Variants in AKAP13 observed in about 807,000 individuals in gnomAD.
AKAP13 encodes the protein A-kinase anchor protein 13.
AKAP13 carries 80 observed loss-of-function variants against 264.5 expected under a neutral mutation model. The ratio of observed to expected loss-of-function variants is 0.30; its 90% CI spans 0.25 to 0.36. The LOEUF is 0.36. Among genes scored for constraint, AKAP13 ranks in the 10% least tolerant of loss-of-function variants. AKAP13 has a pLI of 1.00. For synonymous variants in AKAP13, 1,380 were observed against 1,250.2 expected (o/e 1.10, Z -2.19); for missense variants, 3,712 against 3,435.2 (o/e 1.08, Z -2.01).
chr15:85,627,367 T>C (rs2081461058), intron 8 of AKAP13, among the ~76,000 whole-genome samples: 1 of 152,196 alleles, frequency 6.6e-6, no homozygotes, highest in Admixed American at 6.5e-5. Context: ...TTTTGCCCTT[T>C]GTACTAGCTC....
intron 19 of AKAP13, among the ~76,000 whole-genome samples, chr15:85,710,906 AC>A (rs536493733): frequency 3.0e-4 from 45 of 152,186 alleles, no homozygotes; most frequent in African/African-American, 9.9e-4. Context: ...TAAGCAAGTG[AC>A]CCCTGCGCAT....
chr15:85,704,393 C>T (rs560831544), intron 17 of AKAP13, among the ~76,000 whole-genome samples: 5 of 151,782 alleles, frequency 3.3e-5, no homozygotes, highest in Admixed American at 6.6e-5. Context: ...ATTTTTCTTC[C>T]GAAAGATAAA....
At chr15:85,584,964 A>C (rs151176028) in intron 7 of AKAP13, among the ~76,000 whole-genome samples, 1 of 152,220 alleles carries the variant, frequency 6.6e-6, no homozygotes, top group Non-Finnish European at 1.5e-5. Flanking sequence ...GACATCATTT[A>C]TCATTTCCTT....
chr15:85,727,543 C>T lies in AKAP13; in HGVS notation c.7087+80C>T, dbSNP rs186989868. On this transcript the variant is annotated intron_variant, in intron 29 of 36. Coordinates refer to ENST00000394518, the MANE Select transcript of AKAP13 (RefSeq NM_007200.5). This position sits in a 1 kb window ranked among gnomAD's most constrained non-coding sequence, Gnocchi z 5.3. ...AGACTGCTGGTGGATTTTAGAGGTA[C>T]GGGTTTGCCCTCAGTTCTAAAGCTG... 3.6e-5 allele frequency: 54 copies of T among 1,511,052 alleles called. No homozygotes were observed. The African/African-American group carries it at 5.0e-4, about 14-fold the overall frequency. The allele number at this position is 1,511,052 out of a possible 1,614,324, so 93.6% of individuals were successfully genotyped here.
chr15:85,698,220 C>G (rs1302935323), intron 17 of AKAP13, among the ~76,000 whole-genome samples: 1 of 152,018 alleles, frequency 6.6e-6, no homozygotes, highest in Non-Finnish European at 1.5e-5. Flanking sequence ...GTAATCCCAG[C>G]ACTTTAGGAG....
At chr15:85,737,260 T>C (rs2151769943) in intron 33 of AKAP13, among the ~76,000 whole-genome samples, 1 of 152,226 alleles carries the variant, frequency 6.6e-6, no homozygotes, top group African/African-American at 2.4e-5. Context: ...TTAATATGTG[T>C]TTCATCTGTG....
chr15:85,494,867 G>A lies in AKAP13; in HGVS notation c.33+9114G>A, dbSNP rs191351826. On this transcript the variant is annotated intron_variant, in intron 2 of 36. Transcript: ENST00000394518. ...TTCAGAACAAATGGGCTAAGTAAGAGAAAAAAATGTAGCAATTGGAAGATG... is the reference window on the plus strand; with the variant it reads ...TTCAGAACAAATGGGCTAAGTAAGAAAAAAAAATGTAGCAATTGGAAGATG... Among the ~76,000 whole-genome samples, 31 of 151,852 alleles carry A rather than the reference G, an allele frequency of 2.0e-4. No individual in the cohort carries two copies. The East Asian group carries it at 5.6e-3, about 27-fold the overall frequency.
intron 9 of AKAP13, among the ~76,000 whole-genome samples, chr15:85,641,677 G>A (rs1223944455): frequency 6.6e-6 from 1 of 151,236 alleles, no homozygotes; most frequent in Non-Finnish European, 1.5e-5. Context: ...CAGTAGAGAT[G>A]GGGTTTCACC....
intron 8 of AKAP13, among the ~76,000 whole-genome samples, chr15:85,605,303 T>C (rs886579810): frequency 5.3e-5 from 8 of 152,182 alleles, no homozygotes; most frequent in Admixed American, 2.6e-4. Flanking sequence ...ATTTGCACAC[T>C]TAGAAAGGGT....
intron 19 of AKAP13, among the ~76,000 whole-genome samples, chr15:85,713,468 G>A (rs190783858): frequency 3.1e-4 from 46 of 149,384 alleles, no homozygotes; most frequent in East Asian, 1.4e-3. Context: ...GATTTTATCC[G>A]CTCAGTGACC....
chr15:85,580,782 A>G lies in AKAP13; in HGVS notation c.2714A>G (p.Asp905Gly). 6.2e-7 allele frequency: 1 copy of G among 1,614,104 alleles called. No individual in the cohort carries two copies. Reference protein sequence around the residue: ...QSVGKATLALDSVLTEEGKLL... With the variant: ...QSVGKATLALGSVLTEEGKLL... ...GTGGGTAAGGCCACTTTGGCTTTAG[A>G]TTCAGTTTTGACTGAAGAAGGAAAA... Residue 905 changes from aspartate to glycine, a missense_variant, in exon 7 of 37, where the codon GAT becomes GGT. By Grantham distance (94) the Asp-to-Gly change is moderately conservative. Transcript: ENST00000394518.
chr15:85,505,161 T>G (rs559447170), intron 2 of AKAP13, among the ~76,000 whole-genome samples: 2 of 152,368 alleles, frequency 1.3e-5, no homozygotes, highest in African/African-American at 4.8e-5. Context: ...TTAAATTATA[T>G]CCAAACTTGA....
At chr15:85,691,702 G>A (rs1410977550) in intron 16 of AKAP13, 1 of 412,660 alleles carries the variant, frequency 2.4e-6, no homozygotes, top group Non-Finnish European at 4.9e-6. Context: ...ATTTGCTGGT[G>A]TCCCCTGTGC....
intron 8 of AKAP13, among the ~76,000 whole-genome samples, chr15:85,629,763 C>CGTTT (rs1567164100): frequency 1.3e-5 from 1 of 76,150 alleles, no homozygotes; most frequent in Non-Finnish European, 2.9e-5. Flanking sequence ...TCCTTTACAG[C>CGTTT]CTTTTTTTTT....
chr15:85,432,963 T>C (rs1479584557), intron 1 of AKAP13, among the ~76,000 whole-genome samples: 2 of 151,988 alleles, frequency 1.3e-5, no homozygotes, highest in East Asian at 1.9e-4. Flanking sequence ...AAAAAAAATA[T>C]ACACCCCATT....
intron 2 of AKAP13, among the ~76,000 whole-genome samples, chr15:85,491,069 T>C (rs2075707754): frequency 6.6e-6 from 1 of 152,128 alleles, no homozygotes; most frequent in South Asian, 2.1e-4. Context: ...AACAGAACAG[T>C]GGCTGGGGCT....
chr15:85,520,708 A>G (rs1469181363), intron 2 of AKAP13: 1 of 519,006 alleles, frequency 1.9e-6, no homozygotes, highest in East Asian at 5.4e-5. Flanking sequence ...TAGGTTAAAA[A>G]TATTATAGAC....
chr15:85,637,778 T>G (rs1184080110), intron 8 of AKAP13, among the ~76,000 whole-genome samples: 1 of 152,126 alleles, frequency 6.6e-6, no homozygotes, highest in African/African-American at 2.4e-5. Context: ...TTAGCACTGC[T>G]TTAGTTATAT....
At chr15:85,704,720 G>GAT (rs1452420575) in intron 17 of AKAP13, among the ~76,000 whole-genome samples, 2 of 152,206 alleles carry the variant, frequency 1.3e-5, no homozygotes, top group Non-Finnish European at 2.9e-5. Flanking sequence ...TAAAAGGCCA[G>GAT]ATAATTATTT....
Sources: gnomAD v4.1 joint callset for allele counts (sites outside exome capture counted in the v4.1 genomes callset) on GRCh38, gnomAD v4.1.1 for gene constraint, Gnocchi (gnomAD v3.1) non-coding constraint, MANE v1.5 for transcripts, NCBI Gene and HGNC (gene_info 2026-07-23, HGNC 2026-07-21) for gene names.